Variants in ROBO2 observed in about 807,000 individuals in gnomAD.
The protein encoded by ROBO2 is roundabout homolog 2.
A neutral mutation model predicts 160.8 loss-of-function variants in ROBO2; 53 were observed. The ratio of observed to expected loss-of-function variants is 0.33; its 90% CI spans 0.26 to 0.41. The LOEUF (loss-of-function observed/expected upper bound fraction) is 0.41. ROBO2 is among the 10% of genes least tolerant of loss of function. ROBO2 has a pLI of 1.00. For synonymous variants in ROBO2, 664 were observed against 611.7 expected, an observed-to-expected ratio of 1.09 and a Z score of -1.26; for missense variants, 1,577 against 1,722.4, an observed-to-expected ratio of 0.92 and a Z score of 1.49.
intron 2 of ROBO2, among the ~76,000 whole-genome samples, chr3:76,683,367 T>C (rs1257765616): frequency 6.6e-6 from 1 of 151,232 alleles, no homozygotes; most frequent in East Asian, 1.9e-4. Flanking sequence ...TTTTTATAGA[T>C]GGTAATCTGT....
At chr3:77,252,620 A>G (rs908663618) in intron 2 of ROBO2, among the ~76,000 whole-genome samples, 8 of 151,126 alleles carry the variant, frequency 5.3e-5, no homozygotes, top group Non-Finnish European at 1.0e-4. Flanking sequence ...ATCCTGGCTA[A>G]CACGGTGAAA....
intron 2 of ROBO2, among the ~76,000 whole-genome samples, chr3:76,872,661 A>G (rs2072239653): frequency 6.6e-6 from 1 of 152,078 alleles, no homozygotes; most frequent in African/African-American, 2.4e-5. Flanking sequence ...ACTATATGGC[A>G]TCAGGATATT....
At chr3:76,769,127 T>G (rs1362157173) in intron 2 of ROBO2, among the ~76,000 whole-genome samples, 1 of 151,458 alleles carries the variant, frequency 6.6e-6, no homozygotes, top group African/African-American at 2.4e-5. Context: ...CCACACAAGT[T>G]TCCTTGACAG....
chr3:77,596,546 C>T (rs1400007385), intron 18 of ROBO2, 77 bp from the exon 20 acceptor site: 4 of 1,564,402 alleles, frequency 2.6e-6, no homozygotes, highest in Non-Finnish European at 3.5e-6. Context: ...TTTCTTAACG[C>T]TTTATATTGC....
chr3:76,224,260 A>T (rs1214404289), intron 2 of ROBO2, among the ~76,000 whole-genome samples: 1 of 152,320 alleles, frequency 6.6e-6, no homozygotes, highest in South Asian at 2.1e-4. Flanking sequence ...ACCAGGAAAG[A>T]CAGTTGTGTA....
rs79276737 is a variant in ROBO2, at chr3:77,171,594, C to T, written c.388+73254C>T. ...GAGTTAACTTTTATGACTTTTCTTG[C>T]CAGGCTTCTGTTATTGGCAAAAGTC... On this transcript the variant is annotated intron_variant, in intron 2 of 25. Coordinates refer to ENST00000461745, the Ensembl canonical transcript of ROBO2. 1.9e-3 allele frequency among the ~76,000 whole-genome samples: 286 copies of T among 152,182 alleles called. 1 individual carries two copies. The highest frequency in any genetic ancestry group is 6.6e-3 in the African/African-American group (272 of 41,512).
intron 2 of ROBO2, among the ~76,000 whole-genome samples, chr3:76,325,171 T>C (rs1319132279): frequency 1.3e-5 from 2 of 152,234 alleles, no homozygotes; most frequent in East Asian, 1.9e-4. Context: ...TATTTTTAAA[T>C]GCAACATTTT....
At chr3:77,460,673 ATGATTTCAT>A (rs2082147905) in intron 2 of ROBO2, among the ~76,000 whole-genome samples, 1 of 152,212 alleles carries the variant, frequency 6.6e-6, no homozygotes, top group African/African-American at 2.4e-5. Flanking sequence ...TTTCGTGGTA[ATGATTTCAT>A]TATGTAGGAA....
intron 2 of ROBO2, among the ~76,000 whole-genome samples, chr3:76,077,103 C>T (rs904839592): frequency 1.3e-5 from 2 of 152,140 alleles, no homozygotes; most frequent in Non-Finnish European, 2.9e-5. Context: ...ATAATTTTCA[C>T]TCGTACACAA....
chr3:76,429,088 G>A (rs1364256084), intron 2 of ROBO2, among the ~76,000 whole-genome samples: 1 of 152,032 alleles, frequency 6.6e-6, no homozygotes, highest in African/African-American at 2.4e-5. Context: ...TACCTATCAT[G>A]TATTAATTAG....
chr3:77,305,323 A>T (rs1435517823), intron 2 of ROBO2, among the ~76,000 whole-genome samples: 1 of 152,226 alleles, frequency 6.6e-6, no homozygotes, highest in East Asian at 1.9e-4. Context: ...CCCTTTTGGT[A>T]GCATTCTTCA....
intron 2 of ROBO2, among the ~76,000 whole-genome samples, chr3:76,149,958 A>G (rs2072099490): frequency 1.3e-5 from 2 of 151,960 alleles, no homozygotes; most frequent in South Asian, 4.2e-4. Context: ...TGTCTAAAGC[A>G]CACATCATAT....
At chr3:77,165,119 AG>A (rs1158533384) in intron 2 of ROBO2, among the ~76,000 whole-genome samples, 1 of 151,858 alleles carries the variant, frequency 6.6e-6, no homozygotes, top group East Asian at 1.9e-4. Flanking sequence ...TGGAATGGAA[AG>A]GGGGGAAAGG....
At chr3:76,186,822 C>T (rs1383204012) in intron 2 of ROBO2, among the ~76,000 whole-genome samples, 2 of 152,086 alleles carry the variant, frequency 1.3e-5, no homozygotes, top group Non-Finnish European at 2.9e-5. Flanking sequence ...CTACTCTGAC[C>T]ACTCTTCAAA....
intron 2 of ROBO2, among the ~76,000 whole-genome samples, chr3:76,510,117 C>T (rs1359359496): frequency 1.3e-5 from 2 of 152,170 alleles, no homozygotes; most frequent in Non-Finnish European, 2.9e-5. Context: ...TGATGCCCTA[C>T]ATGAGAACAA....
intron 2 of ROBO2, among the ~76,000 whole-genome samples, chr3:76,866,839 C>T (rs1257879000): frequency 1.3e-5 from 2 of 152,090 alleles, no homozygotes; most frequent in Non-Finnish European, 2.9e-5. Flanking sequence ...TCCACACTCG[C>T]TGTAAGTAGA....
chr3:76,216,999 A>G (rs1232204932), intron 2 of ROBO2, among the ~76,000 whole-genome samples: 2 of 152,242 alleles, frequency 1.3e-5, no homozygotes, highest in Non-Finnish European at 2.9e-5. Context: ...ACTCAGGATT[A>G]AGAAACTCAC....
intron 2 of ROBO2, among the ~76,000 whole-genome samples, chr3:76,016,704 T>C (rs1260013589): frequency 1.3e-5 from 2 of 152,106 alleles, no homozygotes; most frequent in African/African-American, 4.8e-5. Context: ...TATTGAAAGA[T>C]AGTAAATAAT....
intron 2 of ROBO2, among the ~76,000 whole-genome samples, chr3:76,588,747 G>A (rs1340253996): frequency 1.3e-5 from 2 of 152,182 alleles, no homozygotes; most frequent in Non-Finnish European, 2.9e-5. Flanking sequence ...ATTTTTAAGT[G>A]TTAATTTGAT....
Sources: gnomAD v4.1 joint callset for allele counts (sites outside exome capture counted in the v4.1 genomes callset) on GRCh38, gnomAD v4.1.1 for gene constraint, MANE v1.5 for transcripts, NCBI Gene and HGNC (gene_info 2026-07-23, HGNC 2026-07-21) for gene names.